The following MAN1A1 variants were observed in gnomAD, a reference collection of about 807,000 sequenced individuals.
MAN1A1 encodes mannosyl-oligosaccharide 1,2-alpha-mannosidase IA.
MAN1A1 carries 29 observed loss-of-function variants against 70.8 expected under a neutral mutation model. The observed-to-expected ratio is 0.41, with a 90% confidence interval of 0.31 to 0.56. The LOEUF (loss-of-function observed/expected upper bound fraction) is 0.56, where lower values mean the gene tolerates loss of function less well. Ranked by LOEUF, MAN1A1 falls within the 20% of genes least tolerant of loss-of-function variation. The pLI, the probability that MAN1A1 is intolerant of heterozygous loss-of-function variation, is 0.29. For synonymous variants in MAN1A1, 349 were observed against 330.1 expected, an observed-to-expected ratio of 1.06 and a Z score of -0.62; for missense variants, 747 against 841.3, an observed-to-expected ratio of 0.89 and a Z score of 1.39.
chr6:119,234,377 A>G (rs997571508), intron 6 of MAN1A1, among the ~76,000 whole-genome samples: 3 of 152,088 alleles, frequency 2.0e-5, no homozygotes, highest in Non-Finnish European at 4.4e-5. Flanking sequence ...TTGTGTTTGT[A>G]TATGTGTGTG....
chr6:119,257,896 T>C lies in MAN1A1; in HGVS notation c.898-9542A>G, dbSNP rs1398025119. Among the ~76,000 whole-genome samples the C allele has an allele frequency of 2.6e-5, 4 of 152,300 alleles. No homozygotes were observed. The East Asian group carries it at 7.7e-4, about 29-fold the overall frequency. ...ACAGTGCCTAAAGCTACTCATTCTA[T>C]CTCAATTTTAGGTTTAAAAAATGGG... On this transcript the variant is annotated intron_variant, in intron 5 of 12. Coordinates refer to ENST00000368468, the MANE Select transcript of MAN1A1 (RefSeq NM_005907.4).
rs752554996 is a variant in MAN1A1 at position 119,193,911 on chromosome 6, G to T, written c.1211-19C>A. The stretch of plus-strand genomic sequence containing the variant: ...ACATGATCTGGAAAGAGAGGGAAAT[G>T]AATTTTAGAGTGATTCAGCTTTTAA... On this transcript the variant is annotated intron_variant, in intron 8 of 12. Transcript: ENST00000368468. The T allele has an allele frequency of 3.4e-6, 5 of 1,478,678 alleles. No individual in the cohort carries two copies. In the Admixed American group the frequency reaches 5.1e-5, roughly 15 times the overall value. 91.6% of individuals were successfully genotyped at this position (1,478,678 alleles called of 1,614,324 possible).
chr6:119,293,763 A>G (rs1320258809), intron 4 of MAN1A1, among the ~76,000 whole-genome samples: 3 of 152,218 alleles, frequency 2.0e-5, no homozygotes, highest in Non-Finnish European at 2.9e-5. Flanking sequence ...TTCGTAGATG[A>G]AAAGGACTAA....
At chr6:119,219,988 T>C (rs899174465) in intron 6 of MAN1A1, among the ~76,000 whole-genome samples, 8 of 152,064 alleles carry the variant, frequency 5.3e-5, no homozygotes, top group South Asian at 2.1e-4. Context: ...TAATCAACTA[T>C]GAGTTCTTAC....
At chr6:119,241,070 C>A (rs1207107992) in intron 6 of MAN1A1, among the ~76,000 whole-genome samples, 3 of 151,946 alleles carry the variant, frequency 2.0e-5, no homozygotes, top group Non-Finnish European at 1.5e-5. Context: ...AAACAGTAAC[C>A]CAGAAGTTTC....
chr6:119,240,641 G>C (rs547049630), intron 6 of MAN1A1, among the ~76,000 whole-genome samples: 2 of 152,162 alleles, frequency 1.3e-5, no homozygotes, highest in African/African-American at 4.8e-5. Context: ...GCATCCTGAG[G>C]TTCAGGCATC....
chr6:119,232,771 A>G (rs2114285844), intron 6 of MAN1A1, among the ~76,000 whole-genome samples: 1 of 151,922 alleles, frequency 6.6e-6, no homozygotes, highest in East Asian at 1.9e-4. Flanking sequence ...TAAGGCACTA[A>G]TATTAGCTTA....
At chr6:119,203,308 A>AGT (rs1773767805) in intron 7 of MAN1A1, among the ~76,000 whole-genome samples, 1 of 152,074 alleles carries the variant, frequency 6.6e-6, no homozygotes, top group Non-Finnish European at 1.5e-5. Context: ...GAAGTGAGGG[A>AGT]GTAGGCCACG....
chr6:119,286,469 T>C (rs913437645), intron 5 of MAN1A1, among the ~76,000 whole-genome samples: 2 of 152,154 alleles, frequency 1.3e-5, no homozygotes, highest in African/African-American at 4.8e-5. Context: ...AGTATTATAT[T>C]TATTGAGTAA....
At chr6:119,185,844 G>C (rs1324097394) in intron 11 of MAN1A1, among the ~76,000 whole-genome samples, 1 of 132,162 alleles carries the variant, frequency 7.6e-6, no homozygotes, top group Non-Finnish European at 1.6e-5. Flanking sequence ...TGGCCTCCCA[G>C]TTTTTTTTTT....
In MAN1A1 at chr6:119,230,929, G is replaced by A. The variant is rs1774658732; in HGVS notation, c.992+17331C>T. Among the ~76,000 whole-genome samples, 3 of 152,186 alleles carry A rather than the reference G, an allele frequency of 2.0e-5. No individual in the cohort carries two copies. In the South Asian group the frequency reaches 6.2e-4, roughly 31 times the overall value. On this transcript the variant is annotated intron_variant, in intron 6 of 12. Coordinates refer to ENST00000368468, the MANE Select transcript of MAN1A1 (RefSeq NM_005907.4). ...GGAAACCAAGTGTTATGAGAAGGAGGTGGTGATTACTTTTCCAAAGTGGGG... is the reference window on the plus strand; with the variant it reads ...GGAAACCAAGTGTTATGAGAAGGAGATGGTGATTACTTTTCCAAAGTGGGG...
In MAN1A1 at chr6:119,278,332, A is replaced by G. The variant is rs544378497; in HGVS notation, c.897+12351T>C. Among the ~76,000 whole-genome samples, 19 of 152,318 alleles carry G rather than the reference A, an allele frequency of 1.2e-4. No homozygotes were observed. In the South Asian group the frequency reaches 3.7e-3, roughly 30 times the overall value. On this transcript the variant is annotated intron_variant, in intron 5 of 12. Coordinates refer to ENST00000368468, the MANE Select transcript of MAN1A1 (RefSeq NM_005907.4). Reference sequence around the variant, plus strand: ...TGATATTCATTTTGTTTACATTTCTACTGCCAACTCTAATTATCTGACTTA... The same window carrying G: ...TGATATTCATTTTGTTTACATTTCTGCTGCCAACTCTAATTATCTGACTTA...
At chr6:119,232,677 ATATG>A (rs879616879) in intron 6 of MAN1A1, among the ~76,000 whole-genome samples, 2,867 of 120,308 alleles carry the variant, frequency 0.024, 44 homozygotes, top group South Asian at 0.058. Flanking sequence ...ATACACATAT[ATATG>A]TGTGTGTGTG....
At position 119,313,896 on chromosome 6, in the gene MAN1A1, C is replaced by T. The variant is rs77291464; in HGVS notation, c.604-6904G>A. Among the ~76,000 whole-genome samples the T allele has an allele frequency of 6.6e-3, 975 of 147,052 alleles. 30 individuals are homozygous for T. The East Asian group carries it at 0.091, about 14-fold the overall frequency. ...AGGGCAACTAGAAGTGAATGGGAAACGTGACAAAACGAGAGTCAAGCCCCT... is the reference window on the plus strand; with the variant it reads ...AGGGCAACTAGAAGTGAATGGGAAATGTGACAAAACGAGAGTCAAGCCCCT... On this transcript the variant is annotated intron_variant, in intron 2 of 12. Coordinates refer to ENST00000368468, the MANE Select transcript of MAN1A1 (RefSeq NM_005907.4).
chr6:119,273,162 G>A (rs922140260), intron 5 of MAN1A1, among the ~76,000 whole-genome samples: 3 of 152,108 alleles, frequency 2.0e-5, no homozygotes, highest in African/African-American at 7.2e-5. Flanking sequence ...TTTAGTTAAT[G>A]ATTGTTTTCC....
intron 6 of MAN1A1, among the ~76,000 whole-genome samples, chr6:119,245,748 T>C (rs1027770245): frequency 6.6e-6 from 1 of 152,172 alleles, no homozygotes; most frequent in Non-Finnish European, 1.5e-5. Context: ...AGCTGCCAAA[T>C]GGTTGCTCAA....
intron 2 of MAN1A1, among the ~76,000 whole-genome samples, chr6:119,335,095 T>G (rs1341147630): frequency 6.6e-6 from 1 of 152,162 alleles, no homozygotes; most frequent in Non-Finnish European, 1.5e-5. Flanking sequence ...CCATAGGAAG[T>G]GAGAAATTTG....
At position 119,209,978 on chromosome 6, in the gene MAN1A1, T is replaced by C. The variant is rs1050201523; in HGVS notation, c.993-5096A>G. Reference sequence around the variant, plus strand: ...GTAAATCTCCACACAACTTTTTAACTAAGGGCCAAAATAATGTTTAAAATT... The same window carrying C: ...GTAAATCTCCACACAACTTTTTAACCAAGGGCCAAAATAATGTTTAAAATT... On this transcript the variant is annotated intron_variant, in intron 6 of 12. Coordinates refer to ENST00000368468, the MANE Select transcript of MAN1A1 (RefSeq NM_005907.4). Among the ~76,000 whole-genome samples, 6 of 144,962 alleles carry C rather than the reference T, an allele frequency of 4.1e-5. No homozygotes were observed. In the Admixed American group the frequency reaches 4.2e-4, roughly 10 times the overall value.
intron 6 of MAN1A1, among the ~76,000 whole-genome samples, chr6:119,234,327 G>C (rs1233673928): frequency 6.6e-6 from 1 of 152,136 alleles, no homozygotes; most frequent in African/African-American, 2.4e-5. Flanking sequence ...AAATCTTCCA[G>C]AGGAAAAGTT....
Sources: allele counts gnomAD v4.1 joint callset (sites outside exome capture counted in the v4.1 genomes callset), GRCh38; gene constraint gnomAD v4.1.1; transcripts MANE v1.5; gene names NCBI Gene and HGNC (gene_info 2026-07-23, HGNC 2026-07-21).